Variants in DCAF4L2 observed in about 807,000 individuals in gnomAD.
DCAF4L2 encodes DDB1- and CUL4-associated factor 4-like protein 2.
DCAF4L2 carries 13 observed loss-of-function variants against 15.5 expected under a neutral mutation model. That is an observed-to-expected ratio of 0.84 (90% CI 0.54 to 1.33). DCAF4L2 has a LOEUF of 1.33. Among genes scored for constraint, DCAF4L2 ranks in the 40% most tolerant of loss-of-function variants. The pLI is 0.00. For synonymous variants in DCAF4L2, 251 were observed against 207.0 expected (o/e 1.21, Z -1.83); for missense variants, 519 against 509.6 (o/e 1.02, Z -0.18).
chr8:87,873,695 C>G lies in DCAF4L2; in HGVS notation c.277G>C (p.Glu93Gln). The stretch of plus-strand genomic sequence containing the variant: ...ATGCCGTACTTGGAGCCTCCAGCTT[C>G]GACTTGGTTCACTGTGAAGAGCTGG... The part of the protein sequence containing the change: ...TDQLFTVNQV[E>Q]AGGSKYGIIT... The change falls in exon 1 of 1, where the codon GAA (glutamate) becomes CAA (glutamine). Residue 93 changes from glutamate (E) to glutamine (Q), a missense_variant. Glu to Gln is a conservative substitution (Grantham distance 29). Coordinates refer to ENST00000319675, the MANE Select transcript of DCAF4L2 (RefSeq NM_152418.4). The G allele has an allele frequency of 6.2e-7, 1 of 1,614,148 alleles. No homozygotes were observed. The highest frequency in any genetic ancestry group is 8.5e-7 in the Non-Finnish European group (1 of 1,180,038).
chr8:87,873,772 G>A lies in DCAF4L2; in HGVS notation c.200C>T (p.Ser67Phe), dbSNP rs1211448314. The change falls in exon 1 of 1, where the codon TCC (serine) becomes TTC (phenylalanine). Residue 67 changes from serine to phenylalanine, a missense_variant. By Grantham distance (155) the Ser-to-Phe change is radical. Transcript: ENST00000319675. Reference sequence around the variant, plus strand: ...GTTAAATCGGTCGCTTGCCAAAGAGGAGGGATCCCAGCTATGAATCTGGAC... The same window carrying A: ...GTTAAATCGGTCGCTTGCCAAAGAGAAGGGATCCCAGCTATGAATCTGGAC... Reference protein sequence around the residue: ...KKVQIHSWDPSSLASDRFNRI... With the variant: ...KKVQIHSWDPFSLASDRFNRI... 2 of 1,614,066 alleles carry A rather than the reference G, an allele frequency of 1.2e-6. No homozygotes were observed. The highest frequency in any genetic ancestry group is 2.2e-5 in the South Asian group (2 of 91,094).
Position 87,871,461 on chromosome 8 carries a change from C to T in DCAF4L2, c.*1323G>A, listed in dbSNP as rs974784795. ...ATTCCCTTTCCTGACCAACCTACAACAGTGTACTGTTTTCATATTTTTATT... is the reference window on the plus strand; with the variant it reads ...ATTCCCTTTCCTGACCAACCTACAATAGTGTACTGTTTTCATATTTTTATT... On this transcript the variant is annotated 3_prime_UTR_variant, in exon 1 of 1. Transcript: ENST00000319675. 6 of 152,452 alleles carry T rather than the reference C, an allele frequency of 3.9e-5. No homozygotes were observed. The highest frequency in any genetic ancestry group is 1.4e-4 in the African/African-American group (6 of 41,438). 9.4% of individuals were successfully genotyped at this position (152,452 alleles called of 1,614,324 possible).
rs1207189251 is a variant in DCAF4L2 at position 87,874,010 on chromosome 8, T to C, written c.-39A>G. On this transcript the variant is annotated 5_prime_UTR_variant, in exon 1 of 1. Transcript: ENST00000319675. Reference sequence around the variant, plus strand: ...TGTTCTCCCTCCTGAGGGGAAGTTCTGTCCCGGGAGTAAGAGGAAGTACCG... The same window carrying C: ...TGTTCTCCCTCCTGAGGGGAAGTTCCGTCCCGGGAGTAAGAGGAAGTACCG... 1.9e-6 allele frequency: 3 copies of C among 1,595,106 alleles called. No individual in the cohort carries two copies. The highest frequency in any genetic ancestry group is 1.7e-5 in the Admixed American group (1 of 58,522).
chr8:87,872,870 A>C lies in DCAF4L2; in HGVS notation c.1102T>G (p.Phe368Val). The C allele has an allele frequency of 6.2e-7, 1 of 1,614,174 alleles. No homozygotes were observed. Among genetic ancestry groups the C allele is most frequent in the Non-Finnish European group, 8.5e-7 (1 of 1,180,006 alleles). ...CGGAAGCCCCCGAGGCGAGAAGAGA[A>C]GGCCACACTGGGAATGTCGTTCTCC... ...ASENDIPSVA[F>V]SSRLGGFRGA... Residue 368 changes from phenylalanine (F) to valine (V), a missense_variant, in exon 1 of 1, where the codon TTC (phenylalanine) becomes GTC (valine). By Grantham distance (50) the Phe-to-Val change is conservative. Coordinates refer to ENST00000319675, the MANE Select transcript of DCAF4L2 (RefSeq NM_152418.4).
rs765137281 is a variant in DCAF4L2 at position 87,872,902 on chromosome 8, G to T, written c.1070C>A (p.Pro357His). 1 of 1,614,166 alleles carries T rather than the reference G, an allele frequency of 6.2e-7. No homozygotes were observed. Among genetic ancestry groups the T allele is most frequent in the African/African-American group, 1.3e-5 (1 of 75,058 alleles). Residue 357 changes from proline to histidine, a missense_variant, in exon 1 of 1, where the codon CCC becomes CAC. By Grantham distance (77) the Pro-to-His change is moderately conservative. Transcript: ENST00000319675. ...ACTGGGAATGTCGTTCTCCGAGGCG[G>T]GGTATGGGGAGGGTATGGTTGTGAG... ...HLLTTIPSPY[P>H]ASENDIPSVA... is the part of the protein sequence containing the mutation.
chr8:87,872,873 C>T lies in DCAF4L2; in HGVS notation c.1099G>A (p.Ala367Thr), dbSNP rs138379350. Residue 367 changes from alanine (A) to threonine (T), a missense_variant, in exon 1 of 1, where the codon GCC (alanine) becomes ACC (threonine). Ala to Thr is a moderately conservative substitution (Grantham distance 58). Transcript: ENST00000319675. ...AAGCCCCCGAGGCGAGAAGAGAAGG[C>T]CACACTGGGAATGTCGTTCTCCGAG... Reference protein sequence around the residue: ...PASENDIPSVAFSSRLGGFRG... With the variant: ...PASENDIPSVTFSSRLGGFRG... 2.5e-5 allele frequency: 40 copies of T among 1,613,976 alleles called. No individual in the cohort carries two copies. The highest frequency in any genetic ancestry group is 3.3e-4 in the Middle Eastern group (2 of 6,084).
chr8:87,873,645 G>A lies in DCAF4L2; in HGVS notation c.327C>T (p.Thr109=), dbSNP rs773497599. 1.2e-6 allele frequency: 2 copies of A among 1,614,192 alleles called. No individual in the cohort carries two copies. Among genetic ancestry groups the A allele is most frequent in the African/African-American group, 1.3e-5 (1 of 75,044 alleles). The change falls in exon 1 of 1, where the codon ACC becomes ACT. Residue 109 remains threonine (T), a synonymous_variant. Coordinates refer to ENST00000319675, the MANE Select transcript of DCAF4L2 (RefSeq NM_152418.4). The stretch of plus-strand genomic sequence containing the variant: ...TGTGCGGGTATACCCGGAGCTCAGG[G>A]GTCGTCAGGCCTCGCATGGTGATGA... ...YGIITMRGLT[T]PELRVYPHKT...
Position 87,873,670 on chromosome 8 carries a change from A to C in DCAF4L2, c.302T>G (p.Ile101Ser), listed in dbSNP as rs553200878. 4 of 1,614,158 alleles carry C rather than the reference A, an allele frequency of 2.5e-6. 1 individual carries two copies. The East Asian group carries it at 8.9e-5, about 36-fold the overall frequency. Residue 101 changes from isoleucine (I) to serine (S), a missense_variant, in exon 1 of 1, where the codon ATC (isoleucine) becomes AGC (serine). By Grantham distance (142) the Ile-to-Ser change is moderately radical. Coordinates refer to ENST00000319675, the MANE Select transcript of DCAF4L2 (RefSeq NM_152418.4). ...QVEAGGSKYG[I>S]ITMRGLTTPE... ...GGTCGTCAGGCCTCGCATGGTGATG[A>C]TGCCGTACTTGGAGCCTCCAGCTTC...
Position 87,872,535 on chromosome 8 carries a change from A to C in DCAF4L2, c.*249T>G. ...AAAAAAAGGGGGGGATAACTATTCT[A>C]AGGTATTCAACAAGAAAAGGAAATA... On this transcript the variant is annotated 3_prime_UTR_variant, in exon 1 of 1. Coordinates refer to ENST00000319675, the MANE Select transcript of DCAF4L2 (RefSeq NM_152418.4). 1 of 362,470 alleles carries C rather than the reference A, an allele frequency of 2.8e-6. No homozygotes were observed. Among genetic ancestry groups the C allele is most frequent in the Non-Finnish European group, 4.9e-6 (1 of 203,352 alleles). 22.5% of individuals were successfully genotyped at this position (362,470 alleles called of 1,614,324 possible).
Position 87,870,891 on chromosome 8 carries a change from C to T in DCAF4L2, c.*1893G>A, listed in dbSNP as rs775372516. ...ATCCGCAGCTAGTTCTTATTGAATG[C>T]TTACAATGTAAAAGGGACAATGTAT... On this transcript the variant is annotated 3_prime_UTR_variant, in exon 1 of 1. Coordinates refer to ENST00000319675, the MANE Select transcript of DCAF4L2 (RefSeq NM_152418.4). The T allele has an allele frequency of 3.3e-5, 5 of 151,932 alleles. No individual in the cohort carries two copies. Among genetic ancestry groups the T allele is most frequent in the African/African-American group, 7.3e-5 (3 of 41,138 alleles). 9.4% of individuals were successfully genotyped at this position (151,932 alleles called of 1,614,324 possible).
rs778432692 is a variant in DCAF4L2 at position 87,873,579 on chromosome 8, G to A, written c.393C>T (p.Cys131=). Residue 131 remains cysteine, a synonymous_variant, in exon 1 of 1, where the codon TGC becomes TGT. Transcript: ENST00000319675. ...AATCCAAGTGATTCAGTGAGGCCCA[G>A]CACATAGAATTCACCTTCCGATTAG... ...YVPNRKVNSM[C]WASLNHLDSH... is the part of the protein sequence containing the mutation. 1 of 1,614,076 alleles carries A rather than the reference G, an allele frequency of 6.2e-7. No homozygotes were observed. Among genetic ancestry groups the A allele is most frequent in the South Asian group, 1.1e-5 (1 of 91,092 alleles).
rs1173737866 is a variant in DCAF4L2 at position 87,873,370 on chromosome 8, C to G, written c.602G>C (p.Ser201Thr). 6.2e-7 allele frequency: 1 copy of G among 1,614,206 alleles called. No individual in the cohort carries two copies. Among genetic ancestry groups the G allele is most frequent in the Non-Finnish European group, 8.5e-7 (1 of 1,180,044 alleles). The change falls in exon 1 of 1, where the codon AGT becomes ACT. Residue 201 changes from serine (S) to threonine (T), a missense_variant. Transcript: ENST00000319675. ...CAGGACCTGCTGAGACAAGCCTGTA[C>G]TGAAAGAGTGATACGCGTGGATGCT... ...SLSIHAYHSF[S>T]TGLSQQVLLT... is the part of the protein sequence containing the mutation.
rs752302400 is a variant in DCAF4L2 at position 87,873,842 on chromosome 8, G to A, written c.130C>T (p.Arg44Cys). Residue 44 changes from arginine to cysteine, a missense_variant, in exon 1 of 1, where the codon CGT (arginine) becomes TGT (cysteine). Transcript: ENST00000319675. ...CTTACACGCAGCTCGCGAGCTATAC[G>A]GCAATAGTTGGCGAATCTGAGGAAA... ...LGFLRFANYC[R>C]IARELRVSCM... 6.2e-6 allele frequency: 10 copies of A among 1,613,986 alleles called. No individual in the cohort carries two copies. The highest frequency in any genetic ancestry group is 3.3e-5 in the South Asian group (3 of 91,086).
chr8:87,871,647 T>A lies in DCAF4L2; in HGVS notation c.*1137A>T, dbSNP rs1809400082. 1 of 152,220 alleles carries A rather than the reference T, an allele frequency of 6.6e-6. No individual in the cohort carries two copies. The highest frequency in any genetic ancestry group is 2.1e-4 in the South Asian group (1 of 4,836). The allele number at this position is 152,220 out of a possible 1,614,324, so 9.4% of individuals were successfully genotyped here. On this transcript the variant is annotated 3_prime_UTR_variant, in exon 1 of 1. Transcript: ENST00000319675. ...AAAAACAAACAATATCCTTTCTTCC[T>A]TCCACAGAGATACCTACTATTCAAA... is the stretch of plus-strand genomic sequence containing the variant.
Position 87,871,238 on chromosome 8 carries a change from C to T in DCAF4L2, c.*1546G>A, listed in dbSNP as rs1809391832. ...AAAATTTTTTCACCTCAAATCCTCC[C>T]CATTTTAGTAAATGACACCAACCAT... On this transcript the variant is annotated 3_prime_UTR_variant, in exon 1 of 1. Transcript: ENST00000319675. The T allele has an allele frequency of 1.3e-5, 2 of 152,376 alleles. No individual in the cohort carries two copies. The highest frequency in any genetic ancestry group is 2.9e-5 in the Non-Finnish European group (2 of 67,982). 9.4% of individuals were successfully genotyped at this position (152,376 alleles called of 1,614,324 possible).
Position 87,873,221 on chromosome 8 carries a change from T to G in DCAF4L2, c.751A>C (p.Ile251Leu), listed in dbSNP as rs746054200. The G allele has an allele frequency of 6.2e-7, 1 of 1,614,096 alleles. No individual in the cohort carries two copies. The highest frequency in any genetic ancestry group is 1.7e-5 in the Admixed American group (1 of 60,010). Residue 251 changes from isoleucine to leucine, a missense_variant, in exon 1 of 1, where the codon ATT (isoleucine) becomes CTT (leucine). Coordinates refer to ENST00000319675, the MANE Select transcript of DCAF4L2 (RefSeq NM_152418.4). ...CCTTGATTTCCACAGCGCAGATCAA[T>G]GCCAAAGATCTCCCCAGAGCGACAG... ...NGCRSGEIFG[I>L]DLRCGNQGSG...
chr8:87,872,288 G>GC lies in DCAF4L2; in HGVS notation c.*495dup, dbSNP rs978565338. 6.5e-6 allele frequency: 1 copy of GC among 154,540 alleles called. No homozygotes were observed. Among genetic ancestry groups the GC allele is most frequent in the Non-Finnish European group, 1.5e-5 (1 of 68,328 alleles). 9.6% of individuals were successfully genotyped at this position (154,540 alleles called of 1,614,324 possible). On this transcript the variant is annotated 3_prime_UTR_variant, in exon 1 of 1. Transcript: ENST00000319675. The stretch of plus-strand genomic sequence containing the variant: ...CCAAGTTTAATGATTCCAAAATGTA[G>GC]CCTTAAAAACTTCTGGAGAGACTCA...
At position 87,872,816 on chromosome 8, in the gene DCAF4L2, GGACAGCCAT is replaced by G. The variant is rs1563480379; in HGVS notation, c.1147_1155del (p.Met383_Val385del). 1 of 1,601,948 alleles carries G rather than the reference GGACAGCCAT, an allele frequency of 6.2e-7. No homozygotes were observed. The highest frequency in any genetic ancestry group is 1.3e-5 in the African/African-American group (1 of 74,538). On this transcript the variant is annotated inframe_deletion, in exon 1 of 1. Transcript: ENST00000319675. ...TAGGAGAAACAATAAAGGTCCTCCCGGACAGCCATGAGCAGCCCTGGTGCTCCTCGGAAG... is the reference window on the plus strand; with the variant it reads ...TAGGAGAAACAATAAAGGTCCTCCCGGAGCAGCCCTGGTGCTCCTCGGAAG...
chr8:87,873,382 T>G lies in DCAF4L2; in HGVS notation c.590A>C (p.Tyr197Ser). ...AGACAAGCCTGTACTGAAAGAGTGA[T>G]ACGCGTGGATGCTCAGGGACCAGGC... ...SCAWSLSIHA[Y>S]HSFSTGLSQQ... Residue 197 changes from tyrosine to serine, a missense_variant, in exon 1 of 1, where the codon TAT becomes TCT. Coordinates refer to ENST00000319675, the MANE Select transcript of DCAF4L2 (RefSeq NM_152418.4). 1 of 1,614,158 alleles carries G rather than the reference T, an allele frequency of 6.2e-7. No individual in the cohort carries two copies. The highest frequency in any genetic ancestry group is 8.5e-7 in the Non-Finnish European group (1 of 1,180,042).
Sources: allele counts gnomAD v4.1 joint callset, GRCh38; gene constraint gnomAD v4.1.1; transcripts MANE v1.5; gene names NCBI Gene and HGNC (gene_info 2026-07-23, HGNC 2026-07-21).